Variants in KCTD20 observed in about 807,000 individuals in gnomAD.
KCTD20 encodes the protein BTB/POZ domain-containing protein KCTD20.
In KCTD20, 30 loss-of-function variants were observed where a neutral mutation model predicts 39.6. That is an observed-to-expected ratio of 0.76 (90% confidence interval 0.57 to 1.03). KCTD20 has a LOEUF of 1.03. KCTD20 is among the 50% of genes least tolerant of loss of function. KCTD20 has a pLI of 0.00. For missense variants in KCTD20, 422 were observed against 522.0 expected (o/e 0.81, Z 1.87); for synonymous variants, 162 against 180.6 (o/e 0.90, Z 0.83).
At chr6:36,449,514 A>T (rs1775171173) in intron 1 of KCTD20, among the ~76,000 whole-genome samples, 1 of 152,096 alleles carries the variant, frequency 6.6e-6, no homozygotes, top group South Asian at 2.1e-4. Flanking sequence ...TGGTGCATTT[A>T]TAATCCTTTA....
intron 1 of KCTD20, among the ~76,000 whole-genome samples, chr6:36,452,383 AAGTC>A (rs1775282001): frequency 1.3e-5 from 2 of 152,246 alleles, no homozygotes; most frequent in African/African-American, 4.8e-5. Context: ...TAATTTTTCT[AAGTC>A]AGTTTCAATA....
intron 1 of KCTD20, among the ~76,000 whole-genome samples, chr6:36,463,637 G>A (rs1775662558): frequency 6.6e-6 from 1 of 152,130 alleles, no homozygotes; most frequent in African/African-American, 2.4e-5. Flanking sequence ...GGGAATTGAA[G>A]GAACCTAGCT....
intron 1 of KCTD20, among the ~76,000 whole-genome samples, chr6:36,449,201 A>G (rs944312849): frequency 6.6e-6 from 1 of 151,952 alleles, no homozygotes; most frequent in African/African-American, 2.4e-5. Context: ...TGATTGGTCC[A>G]TTTTACAGAG....
At chr6:36,464,704 C>G (rs1218193471) in intron 1 of KCTD20, among the ~76,000 whole-genome samples, 1 of 151,968 alleles carries the variant, frequency 6.6e-6, no homozygotes, top group Admixed American at 6.6e-5. Flanking sequence ...ACCTGCTTAA[C>G]AGAAAACATT....
At chr6:36,455,337 G>A (rs1775400180) in intron 1 of KCTD20, among the ~76,000 whole-genome samples, 1 of 152,178 alleles carries the variant, frequency 6.6e-6, no homozygotes, top group Non-Finnish European at 1.5e-5. Flanking sequence ...TAACCTGAGT[G>A]GCAGAGGTTG....
At chr6:36,484,644 ATTTTGTTAGCTTCTCTC>A in intron 6 of KCTD20, 53 bp from the exon 7 acceptor site, 1 of 722,218 alleles carries the variant, frequency 1.4e-6, no homozygotes, top group Middle Eastern at 2.8e-4. Context: ...CATTAGTTTG[ATTTTGTTAGCTTCTCTC>A]TTTCCTCTTA....
intron 1 of KCTD20, among the ~76,000 whole-genome samples, chr6:36,467,854 C>T (rs1316244922): frequency 2.0e-5 from 3 of 152,128 alleles, no homozygotes; most frequent in Admixed American, 2.0e-4. Flanking sequence ...TCTCAATCTT[C>T]AATCATGGAT....
chr6:36,448,806 G>C (rs1170117464), intron 1 of KCTD20, among the ~76,000 whole-genome samples: 1 of 152,194 alleles, frequency 6.6e-6, no homozygotes, highest in Non-Finnish European at 1.5e-5. Flanking sequence ...TAAAGATGGT[G>C]TGTCCAGAGT....
At chr6:36,460,825 C>G (rs972812165) in intron 1 of KCTD20, among the ~76,000 whole-genome samples, 2 of 151,928 alleles carry the variant, frequency 1.3e-5, no homozygotes, top group Non-Finnish European at 2.9e-5. Flanking sequence ...TGATTTATAC[C>G]TATAAGGAGC....
rs375076167 is a variant in KCTD20, at chr6:36,484,680, C to T, written c.857-34C>T. 59 of 1,023,292 alleles carry T rather than the reference C, an allele frequency of 5.8e-5. No homozygotes were observed. The African/African-American group carries it at 7.4e-4, about 13-fold the overall frequency. 63.4% of individuals were successfully genotyped at this position (1,023,292 alleles called of 1,614,324 possible). On this transcript the variant is annotated intron_variant, in intron 6 of 7. Transcript: ENST00000373731. Reference sequence around the variant, plus strand: ...TTCTCTCTTTCCTCTTAGGTCTTTACTCCATGGCTAACCCTATATTTTTTC... The same window carrying T: ...TTCTCTCTTTCCTCTTAGGTCTTTATTCCATGGCTAACCCTATATTTTTTC...
At chr6:36,470,278 C>G (rs768241323) in intron 2 of KCTD20, 21 bp downstream of exon 2, 2 of 1,576,940 alleles carry the variant, frequency 1.3e-6, no homozygotes, top group Admixed American at 3.5e-5. Flanking sequence ...TAACTCTTGA[C>G]TTAATTTGGG....
At chr6:36,446,245 C>A (rs1775045829) in intron 1 of KCTD20, among the ~76,000 whole-genome samples, 4 of 151,980 alleles carry the variant, frequency 2.6e-5, no homozygotes, top group Admixed American at 2.6e-4. Context: ...TCAGGCTGGT[C>A]TCGAACTCCT....
intron 3 of KCTD20, 24 bp from the exon 4 acceptor site, chr6:36,479,097 C>A: frequency 1.4e-6 from 2 of 1,459,980 alleles, no homozygotes; most frequent in Non-Finnish European, 1.9e-6. Flanking sequence ...GAGAAGATAA[C>A]ATTATTGCCT....
At chr6:36,450,676 A>G (rs1775225835) in intron 1 of KCTD20, among the ~76,000 whole-genome samples, 2 of 152,056 alleles carry the variant, frequency 1.3e-5, no homozygotes, top group African/African-American at 4.8e-5. Context: ...TCATTGTGTT[A>G]TGTTATATTT....
At chr6:36,470,923 G>A (rs528375987) in intron 2 of KCTD20, among the ~76,000 whole-genome samples, 21 of 152,322 alleles carry the variant, frequency 1.4e-4, no homozygotes, top group African/African-American at 5.0e-4. Flanking sequence ...GCCAAAGCAG[G>A]TGGATCACTT....
Position 36,487,135 on chromosome 6 carries a change from C to A in KCTD20, c.1220C>A (p.Ala407Asp). ...GTGGATGAACTTGACCGGCTAAATG[C>A]CCCACTTTCTCAGATGGCTTCTAAC... is the stretch of plus-strand genomic sequence containing the variant. Reference protein sequence around the residue: ...PQVDELDRLNAPLSQMASNDF... With the variant: ...PQVDELDRLNDPLSQMASNDF... Residue 407 changes from alanine (A) to aspartate (D), a missense_variant, in exon 8 of 8, where the codon GCC becomes GAC. Physicochemically the swap from Ala to Asp is moderately radical, Grantham distance 126. Coordinates refer to ENST00000373731, the MANE Select transcript of KCTD20 (RefSeq NM_173562.5). 2 of 1,613,978 alleles carry A rather than the reference C, an allele frequency of 1.2e-6. No homozygotes were observed. The highest frequency in any genetic ancestry group is 1.7e-6 in the Non-Finnish European group (2 of 1,179,864).
At chr6:36,484,318 T>C (rs532368636) in intron 6 of KCTD20, among the ~76,000 whole-genome samples, 31 of 152,328 alleles carry the variant, frequency 2.0e-4, no homozygotes, top group Admixed American at 1.9e-3. Context: ...CAAAATCAGA[T>C]TGTTAGTTTT....
rs1776510997 is a variant in KCTD20, at chr6:36,489,166, T to C, written c.*1991T>C. On this transcript the variant is annotated 3_prime_UTR_variant, in exon 8 of 8. Transcript: ENST00000373731. ...TACAAAGGAAATTTGAATTACCTAGTGTTTGTATATTCCATGATAACTATG... is the reference window on the plus strand; with the variant it reads ...TACAAAGGAAATTTGAATTACCTAGCGTTTGTATATTCCATGATAACTATG... 6.5e-6 allele frequency: 1 copy of C among 152,672 alleles called. No homozygotes were observed. Among genetic ancestry groups the C allele is most frequent in the Admixed American group, 6.5e-5 (1 of 15,286 alleles). 9.5% of individuals were successfully genotyped at this position (152,672 alleles called of 1,614,324 possible).
At chr6:36,466,363 G>C (rs1016035016) in intron 1 of KCTD20, among the ~76,000 whole-genome samples, 10 of 150,220 alleles carry the variant, frequency 6.7e-5, no homozygotes, top group African/African-American at 1.7e-4. Context: ...GGGCCTGGCT[G>C]TGTTTTGCTG....
Sources: allele counts gnomAD v4.1 joint callset (sites outside exome capture counted in the v4.1 genomes callset), GRCh38; gene constraint gnomAD v4.1.1; transcripts MANE v1.5; gene names NCBI Gene and HGNC (gene_info 2026-07-23, HGNC 2026-07-21).